The following FLYWCH2 variants were observed in gnomAD, a reference collection of about 807,000 sequenced individuals.
FLYWCH2 encodes the protein FLYWCH family member 2.
Under a neutral mutation model 6.0 loss-of-function variants are expected in FLYWCH2, and 2 were observed. The observed-to-expected ratio is 0.33, with a 90% CI of 0.14 to 1.04. The LOEUF (loss-of-function observed/expected upper bound fraction) is 1.04. FLYWCH2 is among the 50% of genes least tolerant of loss of function. FLYWCH2 has a pLI of 0.45. For missense variants in FLYWCH2, 192 were observed against 183.4 expected (o/e 1.05, Z -0.27); for synonymous variants, 87 against 79.3 (o/e 1.10, Z -0.52).
Position 2,896,541 on chromosome 16 carries a change from C to T in FLYWCH2, c.92C>T (p.Ala31Val). ...AAGCCAGGCACAGAAGTCATCCCGG[C>T]AGCCCCCAGGAAGCCCAGAAAGTTC... is the stretch of plus-strand genomic sequence containing the variant. Reference protein sequence around the residue: ...SPKPGTEVIPAAPRKPRKFSK... With the variant: ...SPKPGTEVIPVAPRKPRKFSK... The change falls in exon 3 of 4, where the codon GCA becomes GTA. Residue 31 changes from alanine (A) to valine (V), a missense_variant. By Grantham distance (64) the Ala-to-Val change is moderately conservative (BLOSUM62 0). Coordinates refer to ENST00000396958, the MANE Select transcript of FLYWCH2 (RefSeq NM_138439.3). 1 of 1,614,196 alleles carries T rather than the reference C, an allele frequency of 6.2e-7. No homozygotes were observed. The highest frequency in any genetic ancestry group is 8.5e-7 in the Non-Finnish European group (1 of 1,180,022).
chr16:2,884,585 A>AAAAAAAAAAAAAAAT (rs2069677520), intron 1 of FLYWCH2, among the ~76,000 whole-genome samples: 1 of 145,450 alleles, frequency 6.9e-6, no homozygotes, highest in Non-Finnish European at 1.5e-5. Flanking sequence ...AAATACAAAA[A>AAAAAAAAAAAAAAAT]TTAGTCGGGG....
intron 1 of FLYWCH2, among the ~76,000 whole-genome samples, chr16:2,893,696 G>C (rs561861017): frequency 1.5e-3 from 218 of 145,604 alleles, no homozygotes; most frequent in African/African-American, 5.3e-3. Flanking sequence ...GGAGTGCAGT[G>C]GCACGATCTC....
At chr16:2,894,626 C>T (rs1216624024) in intron 1 of FLYWCH2, among the ~76,000 whole-genome samples, 1 of 152,208 alleles carries the variant, frequency 6.6e-6, no homozygotes, top group East Asian at 1.9e-4. Context: ...GGACGGATAA[C>T]GCGACCCCGA....
At chr16:2,888,239 A>C (rs1348160499) in intron 1 of FLYWCH2, among the ~76,000 whole-genome samples, 2 of 151,796 alleles carry the variant, frequency 1.3e-5, no homozygotes, top group Non-Finnish European at 2.9e-5. Flanking sequence ...CAAACTCCTG[A>C]GTTCAGGCAA....
chr16:2,889,429 C>T (rs1249299744), intron 1 of FLYWCH2, among the ~76,000 whole-genome samples: 1 of 151,724 alleles, frequency 6.6e-6, no homozygotes, highest in Non-Finnish European at 1.5e-5. Flanking sequence ...CCAGGATGGT[C>T]TCAATCTCCT....
chr16:2,889,658 TA>T (rs967825892), intron 1 of FLYWCH2, among the ~76,000 whole-genome samples: 7 of 152,054 alleles, frequency 4.6e-5, no homozygotes. Context: ...TACTTACCTT[TA>T]AAAAAAACTT....
At chr16:2,888,484 C>CA (rs76190008) in intron 1 of FLYWCH2, among the ~76,000 whole-genome samples, 1,323 of 105,692 alleles carry the variant, frequency 0.013, 16 homozygotes, top group East Asian at 0.05. Context: ...TCAGTTTCTC[C>CA]AAAAAAAAAA....
Position 2,896,721 on chromosome 16 carries a change from T to C in FLYWCH2, c.272T>C (p.Ile91Thr). ...LQTHPEAQRA[I>T]EAAPQEPEQK... Reference sequence around the variant, plus strand: ...ACCCACCCCGAGGCCCAGCGGGCCATTGAGGCAGCCCCTCAGGAGCCTGAG... The same window carrying C: ...ACCCACCCCGAGGCCCAGCGGGCCACTGAGGCAGCCCCTCAGGAGCCTGAG... Residue 91 changes from isoleucine to threonine, a missense_variant, in exon 3 of 4, where the codon ATT (isoleucine) becomes ACT (threonine). Transcript: ENST00000396958. 6.2e-7 allele frequency: 1 copy of C among 1,612,258 alleles called. No individual in the cohort carries two copies. Among genetic ancestry groups the C allele is most frequent in the Non-Finnish European group, 8.5e-7 (1 of 1,179,864 alleles).
chr16:2,888,401 T>A (rs2069722024), intron 1 of FLYWCH2, among the ~76,000 whole-genome samples: 1 of 145,064 alleles, frequency 6.9e-6, no homozygotes, highest in South Asian at 2.2e-4. Flanking sequence ...GTCCTGCAAG[T>A]TTTTTTTTTT....
intron 1 of FLYWCH2, among the ~76,000 whole-genome samples, chr16:2,891,530 G>A (rs1025384593): frequency 3.3e-5 from 5 of 151,950 alleles, no homozygotes; most frequent in African/African-American, 1.2e-4. Context: ...TCAGCCTCCG[G>A]AGTAGCCGGG....
rs187716632 is a variant in FLYWCH2, at chr16:2,888,568, C to T, written c.-200+5202C>T. 2.8e-3 allele frequency among the ~76,000 whole-genome samples: 424 copies of T among 149,404 alleles called. 2 individuals are homozygous for T. The highest frequency in any genetic ancestry group is 9.8e-3 in the African/African-American group (398 of 40,680). On this transcript the variant is annotated intron_variant, in intron 1 of 3. Transcript: ENST00000396958. Reference sequence around the variant, plus strand: ...TGTTGTCATCTTAACAATATCAAGTCTTCCAATCCATGAACATGGGATGTC... The same window carrying T: ...TGTTGTCATCTTAACAATATCAAGTTTTCCAATCCATGAACATGGGATGTC...
intron 3 of FLYWCH2, among the ~76,000 whole-genome samples, chr16:2,897,258 A>G (rs2069834098): frequency 6.6e-6 from 1 of 152,128 alleles, no homozygotes; most frequent in Non-Finnish European, 1.5e-5. Flanking sequence ...ACGCAGGATG[A>G]GACTCCCAGC....
chr16:2,891,174 C>G (rs1396626163), intron 1 of FLYWCH2, among the ~76,000 whole-genome samples: 3 of 152,300 alleles, frequency 2.0e-5, no homozygotes, highest in South Asian at 2.1e-4. Context: ...GCCATTGGCT[C>G]TGGACCAGGC....
chr16:2,883,630 T>C (rs1257823055), intron 1 of FLYWCH2, among the ~76,000 whole-genome samples: 1 of 152,082 alleles, frequency 6.6e-6, no homozygotes, highest in Non-Finnish European at 1.5e-5. Context: ...CCTGGCCGTG[T>C]CCGCCGCGCC....
chr16:2,893,779 G>A (rs11643284), intron 1 of FLYWCH2, among the ~76,000 whole-genome samples: 81,361 of 151,406 alleles, frequency 0.54, 22,394 homozygotes, highest in African/African-American at 0.6. Flanking sequence ...CTGGGATTAC[G>A]GGCGCCCGCC....
chr16:2,885,062 C>T lies in FLYWCH2; in HGVS notation c.-200+1696C>T, dbSNP rs1162943521. On this transcript the variant is annotated intron_variant, in intron 1 of 3. Transcript: ENST00000396958. ...TTTCGGCCGGGCGCGGTGGCTCACG[C>T]CTGTTATCCCAGCACTTTGGGAGGC... Among the ~76,000 whole-genome samples, 6 of 152,120 alleles carry T rather than the reference C, an allele frequency of 3.9e-5. No homozygotes were observed. The East Asian group carries it at 1.2e-3, about 29-fold the overall frequency.
chr16:2,899,263 C>A lies in FLYWCH2; in HGVS notation c.*114C>A, dbSNP rs879131210. ...CTTTGCTTTTAACATTGTGTGATTT[C>A]TTTTCTTTTTTTTTTTTTTTTTAGA... On this transcript the variant is annotated 3_prime_UTR_variant, in exon 4 of 4. Transcript: ENST00000396958. 643 of 437,066 alleles carry A rather than the reference C, an allele frequency of 1.5e-3. 5 individuals carry two copies. Among genetic ancestry groups the A allele is most frequent in the Non-Finnish European group, 5.3e-4 (139 of 262,378 alleles). The allele number at this position is 437,066 out of a possible 1,614,324, so 27.1% of individuals were successfully genotyped here. A position where few individuals can be genotyped will look rare whatever the true frequency, so the allele number is the denominator to read the frequency against.
chr16:2,894,549 C>T (rs1392796602), intron 1 of FLYWCH2, among the ~76,000 whole-genome samples: 2 of 152,208 alleles, frequency 1.3e-5, no homozygotes, highest in Non-Finnish European at 2.9e-5. Context: ...CCACATCGCC[C>T]TGTGAGGCAG....
At chr16:2,888,746 C>T (rs1397765996) in intron 1 of FLYWCH2, among the ~76,000 whole-genome samples, 1 of 152,088 alleles carries the variant, frequency 6.6e-6, no homozygotes. Context: ...CTGGCTTCTT[C>T]TTGGCTACCT....
Sources: gnomAD v4.1 joint callset for allele counts (sites outside exome capture counted in the v4.1 genomes callset) on GRCh38, gnomAD v4.1.1 for gene constraint, MANE v1.5 for transcripts, NCBI Gene and HGNC (gene_info 2026-07-23, HGNC 2026-07-21) for gene names.